The following NLRP12 variants were observed in gnomAD, a reference collection of about 807,000 sequenced individuals.
NLRP12 encodes the protein NLR family pyrin domain containing 12.
A neutral mutation model predicts 91.2 loss-of-function variants in NLRP12; 108 were observed. The observed-to-expected ratio is 1.18, with a 90% CI of 1.01 to 1.39. The LOEUF is 1.39. Among genes scored for constraint, NLRP12 ranks in the 40% most tolerant of loss-of-function variants. The pLI is 0.00. For synonymous variants in NLRP12, 613 were observed against 566.7 expected (o/e 1.08, Z -1.16); for missense variants, 1,530 against 1,352.7 (o/e 1.13, Z -2.06).
chr19:53,808,458 G>A (rs1041629405), intron 3 of NLRP12: 1 of 152,752 alleles, frequency 6.5e-6, no homozygotes, highest in Non-Finnish European at 1.5e-5. Flanking sequence ...TGGGTGTGGT[G>A]GCTCACACCT....
At chr19:53,811,933 G>A (rs1380242461) in intron 2 of NLRP12, among the ~76,000 whole-genome samples, 3 of 152,052 alleles carry the variant, frequency 2.0e-5, no homozygotes, top group Admixed American at 2.0e-4. Flanking sequence ...ACATGAATCT[G>A]CCTTTTTTCA....
chr19:53,809,560 C>A (rs1171078743), intron 3 of NLRP12, 27 bp downstream of exon 3: 2 of 1,543,388 alleles, frequency 1.3e-6, no homozygotes, highest in Admixed American at 1.7e-5. Context: ...CCTAAGCAGC[C>A]CCAGGGGATA....
intron 2 of NLRP12, 48 bp downstream of exon 2, chr19:53,814,860 G>C (rs2092132551): frequency 6.7e-7 from 1 of 1,501,082 alleles, no homozygotes; most frequent in Non-Finnish European, 9.3e-7. Flanking sequence ...CGTGGGGTCA[G>C]CTGCTCTGTG....
rs778682173 is a variant in NLRP12 at position 53,810,826 on chromosome 19, G to A, written c.833C>T (p.Pro278Leu). The change falls in exon 3 of 10, where the codon CCT becomes CTT. Residue 278 changes from proline to leucine, a missense_variant. Coordinates refer to ENST00000324134, the MANE Select transcript of NLRP12 (RefSeq NM_144687.4). ...GGGAACTCGGATGAGCTCCTGGAGAGGCGCGCTGGGCTCAGGCCAGCAGCT... is the reference window on the plus strand; with the variant it reads ...GGGAACTCGGATGAGCTCCTGGAGAAGCGCGCTGGGCTCAGGCCAGCAGCT... ...IFSCWPEPSA[P>L]LQELIRVPER... 14 of 1,614,132 alleles carry A rather than the reference G, an allele frequency of 8.7e-6. No homozygotes were observed. In the South Asian group the frequency reaches 8.8e-5, roughly 10 times the overall value.
At chr19:53,805,836 TATC>T (rs1242626448) in intron 4 of NLRP12, 3 of 288,374 alleles carry the variant, frequency 1.0e-5, no homozygotes, top group African/African-American at 6.7e-5. Flanking sequence ...TATTTCAAAA[TATC>T]ATGTTATATA....
intron 1 of NLRP12, among the ~76,000 whole-genome samples, chr19:53,823,425 T>TATTTTTAAAA (rs1349434090): frequency 1.7e-4 from 18 of 109,006 alleles, no homozygotes; most frequent in East Asian, 4.3e-4. Flanking sequence ...GTTTTAAATA[T>TATTTTTAAAA]ATATATTTAA....
At chr19:53,813,931 A>G (rs1049435983) in intron 2 of NLRP12, among the ~76,000 whole-genome samples, 1 of 151,214 alleles carries the variant, frequency 6.6e-6, no homozygotes, top group Non-Finnish European at 1.5e-5. Flanking sequence ...CTGGCCTCCC[A>G]AAGTGCAGGG....
chr19:53,810,265 G>GC lies in NLRP12; in HGVS notation c.1393dup (p.Ala465GlyfsTer13). On this transcript the variant is annotated frameshift_variant, in exon 3 of 10. Coordinates refer to ENST00000324134, the MANE Select transcript of NLRP12 (RefSeq NM_144687.4). LOFTEE classifies it high-confidence loss of function. ...TTTCTGATTCCAGAGCCCATCTGCC[G>GC]CCAAGGAGCACAACCCTCTCTGGTT... is the stretch of plus-strand genomic sequence containing the variant. The GC allele has an allele frequency of 6.2e-7, 1 of 1,614,044 alleles. No individual in the cohort carries two copies.
At chr19:53,812,725 T>TA (rs952689255) in intron 2 of NLRP12, among the ~76,000 whole-genome samples, 4 of 151,716 alleles carry the variant, frequency 2.6e-5, no homozygotes, top group Admixed American at 6.6e-5. Context: ...GAGAGAAGCT[T>TA]AAAAAAAAGA....
Position 53,824,202 on chromosome 19 carries a change from G to GACC in NLRP12, c.-31_-29dup. On this transcript the variant is annotated 5_prime_UTR_variant, in exon 1 of 10. Coordinates refer to ENST00000324134, the MANE Select transcript of NLRP12 (RefSeq NM_144687.4). ...GGGTGCCGTGAGCCCCAAAGGAGAGGACCTGGAGGCTGAGATGCTCCTATG... is the reference window on the plus strand; with the variant it reads ...GGGTGCCGTGAGCCCCAAAGGAGAGGACCACCTGGAGGCTGAGATGCTCCTATG... The GACC allele has an allele frequency of 1.2e-6, 2 of 1,611,668 alleles. No individual in the cohort carries two copies. Among genetic ancestry groups the GACC allele is most frequent in the Non-Finnish European group, 1.7e-6 (2 of 1,179,530 alleles).
Position 53,824,253 on chromosome 19 carries a change from C to T in NLRP12, c.-79G>A. ...CACGGGACACAGGGCGACCCCAGCA[C>T]ACCTTCCATTGCATCATTCACAGGC... is the stretch of plus-strand genomic sequence containing the variant. On this transcript the variant is annotated 5_prime_UTR_variant, in exon 1 of 10. It adds an upstream start codon to the 5' untranslated region. Coordinates refer to ENST00000324134, the MANE Select transcript of NLRP12 (RefSeq NM_144687.4). 1 of 1,425,690 alleles carries T rather than the reference C, an allele frequency of 7.0e-7. No individual in the cohort carries two copies. The allele number at this position is 1,425,690 out of a possible 1,614,324, so 88.3% of individuals were successfully genotyped here. A position where few individuals can be genotyped will look rare whatever the true frequency, so the allele number is the denominator to read the frequency against.
At chr19:53,795,179 G>GAT (rs2091731128) in intron 9 of NLRP12, among the ~76,000 whole-genome samples, 1 of 151,286 alleles carries the variant, frequency 6.6e-6, no homozygotes, top group Non-Finnish European at 1.5e-5. Context: ...AAAGTACTGG[G>GAT]ATTACAGGCG....
chr19:53,811,418 A>G, intron 2 of NLRP12, 130 bp from the exon 3 acceptor site: 1 of 1,043,088 alleles, frequency 9.6e-7, no homozygotes, highest in Non-Finnish European at 1.5e-6. Flanking sequence ...GGAGGCTGAG[A>G]TGGGAGAATC....
rs781690422 is a variant in NLRP12 at position 53,807,515 on chromosome 19, G to T, written c.2223C>A (p.Asn741Lys). 6.2e-7 allele frequency: 1 copy of T among 1,614,110 alleles called. No homozygotes were observed. Among genetic ancestry groups the T allele is most frequent in the Non-Finnish European group, 8.5e-7 (1 of 1,179,990 alleles). ...KLLCQGLRHP[N>K]CKLQNLRLKR... is the part of the protein sequence containing the mutation. ...CTCACCTCAGGTTCTGAAGTTTGCA[G>T]TTGGGGTGTCTGAGTCCTTGACAGA... The change falls in exon 4 of 10, where the codon AAC becomes AAA. Residue 741 changes from asparagine to lysine, a missense_variant. Physicochemically the swap from Asn to Lys is moderately conservative, Grantham distance 94 (BLOSUM62 0). Coordinates refer to ENST00000324134, the MANE Select transcript of NLRP12 (RefSeq NM_144687.4).
At chr19:53,806,679 C>CAAAAAAAA (rs58275455) in intron 4 of NLRP12, among the ~76,000 whole-genome samples, 2 of 43,388 alleles carry the variant, frequency 4.6e-5, no homozygotes, top group South Asian at 1.3e-3. Flanking sequence ...GACTCCGTCT[C>CAAAAAAAA]AAAAAAAAAA....
At position 53,809,646 on chromosome 19, in the gene NLRP12, G is replaced by A. The variant is rs781329641; in HGVS notation, c.2013C>T (p.Ser671=). The change falls in exon 3 of 10, where the codon AGC becomes AGT. Residue 671 remains serine, a synonymous_variant. Transcript: ENST00000324134. ...ACCTCGCGCGGTCTTCCCCGTCCGC[G>A]CTGTAGGTGGCGCCATACAAGTGCA... ...QVLHLYGATY[S]ADGEDRARCS... The A allele has an allele frequency of 5.0e-6, 8 of 1,613,374 alleles. No homozygotes were observed. The highest frequency in any genetic ancestry group is 5.1e-6 in the Non-Finnish European group (6 of 1,179,916).
chr19:53,803,368 C>T lies in NLRP12; in HGVS notation c.2585+584G>A, dbSNP rs376335824. Among the ~76,000 whole-genome samples the T allele has an allele frequency of 7.9e-5, 12 of 151,622 alleles. No individual in the cohort carries two copies. In the East Asian group the frequency reaches 9.8e-4, roughly 12 times the overall value. Reference sequence around the variant, plus strand: ...GGCTAATTTTGTATTTTAGTAGAGACGGGGCTTCTCCATGTTGGTCAGGCT... The same window carrying T: ...GGCTAATTTTGTATTTTAGTAGAGATGGGGCTTCTCCATGTTGGTCAGGCT... On this transcript the variant is annotated intron_variant, in intron 6 of 9. Coordinates refer to ENST00000324134, the MANE Select transcript of NLRP12 (RefSeq NM_144687.4).
intron 7 of NLRP12, among the ~76,000 whole-genome samples, chr19:53,800,956 A>G (rs2091858876): frequency 6.6e-6 from 1 of 152,028 alleles, no homozygotes. Flanking sequence ...GCACTTTGGG[A>G]GGCCAAGGCA....
At chr19:53,798,954 C>T (rs2091820381) in intron 7 of NLRP12, among the ~76,000 whole-genome samples, 1 of 150,706 alleles carries the variant, frequency 6.6e-6, no homozygotes, top group South Asian at 2.1e-4. Flanking sequence ...GTTGGTCAGG[C>T]TGGTTTCGAA....
Sources: allele counts gnomAD v4.1 joint callset (sites outside exome capture counted in the v4.1 genomes callset), GRCh38; gene constraint gnomAD v4.1.1; transcripts MANE v1.5; gene names NCBI Gene and HGNC (gene_info 2026-07-23, HGNC 2026-07-21).